SMURF2: variants seen among roughly 807,000 people sequenced by gnomAD.
The protein encoded by SMURF2 is E3 ubiquitin-protein ligase SMURF2.
In SMURF2, 48 loss-of-function variants were observed where a neutral mutation model predicts 109.6. That is an observed-to-expected ratio of 0.44 (90% CI 0.35 to 0.56). SMURF2 has a LOEUF of 0.56. Among genes scored for constraint, SMURF2 ranks in the 20% least tolerant of loss-of-function variants. The probability of loss-of-function intolerance (pLI) is 0.01; values close to 1 mark genes in which losing one functional copy is unlikely to be tolerated. For synonymous variants in SMURF2, 288 were observed against 317.1 expected (o/e 0.91, Z 0.97); for missense variants, 575 against 909.0 (o/e 0.63, Z 4.72).
chr17:64,631,298 G>GAC, intron 1 of SMURF2, among the ~76,000 whole-genome samples: 1 of 110,250 alleles, frequency 9.1e-6, no homozygotes, highest in Non-Finnish European at 1.8e-5. Flanking sequence ...GAGAGAGAGA[G>GAC]AGAGAGAGAG....
At chr17:64,549,764 T>TA (rs1241149287) in intron 16 of SMURF2, among the ~76,000 whole-genome samples, 9 of 150,758 alleles carry the variant, frequency 6.0e-5, no homozygotes, top group Non-Finnish European at 1.2e-4. Context: ...TCTCCACAAA[T>TA]AAAAAAAAGA....
At chr17:64,656,634 T>A (rs889769373) in intron 1 of SMURF2, among the ~76,000 whole-genome samples, 27 of 151,872 alleles carry the variant, frequency 1.8e-4, no homozygotes, top group African/African-American at 6.5e-4. Context: ...TCAGTAACAC[T>A]ATTTTTATGG....
At chr17:64,628,058 C>T (rs1970290905) in intron 1 of SMURF2, among the ~76,000 whole-genome samples, 1 of 152,212 alleles carries the variant, frequency 6.6e-6, no homozygotes, top group Non-Finnish European at 1.5e-5. Context: ...GCCAACAAGC[C>T]ACCAACACCT....
At chr17:64,585,066 A>C (rs1555686962) in intron 6 of SMURF2, among the ~76,000 whole-genome samples, 3 of 152,238 alleles carry the variant, frequency 2.0e-5, no homozygotes, top group African/African-American at 7.2e-5. Flanking sequence ...CTGGGTATAA[A>C]ATTTTGTATA....
chr17:64,554,531 A>G (rs1484002906), intron 15 of SMURF2, among the ~76,000 whole-genome samples: 1 of 152,162 alleles, frequency 6.6e-6, no homozygotes, highest in Non-Finnish European at 1.5e-5. Flanking sequence ...AAGGCCCCAG[A>G]CAGTGACCCC....
At chr17:64,657,262 TA>T (rs1209575678) in intron 1 of SMURF2, among the ~76,000 whole-genome samples, 1 of 152,116 alleles carries the variant, frequency 6.6e-6, no homozygotes, top group Non-Finnish European at 1.5e-5. Flanking sequence ...AGTTGAGCCT[TA>T]AAAGATGGGC....
intron 1 of SMURF2, among the ~76,000 whole-genome samples, chr17:64,631,279 G>A (rs1339949404): frequency 1.2e-3 from 9 of 7,454 alleles, no homozygotes; most frequent in African/African-American, 2.1e-3. Context: ...AGAGGGGGGG[G>A]GGGAGAGAGA....
chr17:64,597,770 CAAAA>C (rs369162603), intron 3 of SMURF2, among the ~76,000 whole-genome samples: 1 of 112,538 alleles, frequency 8.9e-6, no homozygotes, highest in African/African-American at 2.9e-5. Flanking sequence ...AAGACTGTCT[CAAAA>C]AAAAAAAAAA....
chr17:64,633,548 A>T (rs187798609), intron 1 of SMURF2, among the ~76,000 whole-genome samples: 1 of 152,226 alleles, frequency 6.6e-6, no homozygotes, highest in African/African-American at 2.4e-5. Context: ...AGTAAGAATA[A>T]CCATTAAATA....
intron 10 of SMURF2, among the ~76,000 whole-genome samples, chr17:64,569,656 C>T (rs1969371127): frequency 6.6e-6 from 1 of 152,140 alleles, no homozygotes; most frequent in African/African-American, 2.4e-5. Context: ...CATTAAACAT[C>T]ATCAGAACAG....
intron 1 of SMURF2, among the ~76,000 whole-genome samples, chr17:64,643,873 C>T (rs1313633296): frequency 6.6e-6 from 1 of 152,152 alleles, no homozygotes; most frequent in Non-Finnish European, 1.5e-5. Context: ...GTGGCCCAGG[C>T]TGGAGTGCAG....
rs1968974639 is a variant in SMURF2 at position 64,547,449 on chromosome 17, GGGA to G, written c.2071+148_2071+150del. The G allele has an allele frequency of 1.5e-6, 1 of 677,794 alleles. No homozygotes were observed. Among genetic ancestry groups the G allele is most frequent in the African/African-American group, 1.8e-5 (1 of 55,388 alleles). 42.0% of individuals were successfully genotyped at this position (677,794 alleles called of 1,614,324 possible). A position where few individuals can be genotyped will look rare whatever the true frequency, so the allele number is the denominator to read the frequency against. On this transcript the variant is annotated intron_variant, in intron 17 of 18. Coordinates refer to ENST00000262435, the MANE Select transcript of SMURF2 (RefSeq NM_022739.4). This position sits in a 1 kb window ranked among gnomAD's most constrained non-coding sequence, Gnocchi z 4.2. ...CTTGGGAAGGGAACAAAAGAAAGGAGGGAGAAGAAGGTATCACAATGTGAGAGT... is the reference window on the plus strand; with the variant it reads ...CTTGGGAAGGGAACAAAAGAAAGGAGGAAGAAGGTATCACAATGTGAGAGT...
At chr17:64,597,898 G>A (rs115131589) in intron 3 of SMURF2, among the ~76,000 whole-genome samples, 39 of 152,258 alleles carry the variant, frequency 2.6e-4, no homozygotes, top group African/African-American at 8.4e-4. Flanking sequence ...TTGCCTTGAG[G>A]ATGGGAATCA....
At chr17:64,621,956 A>C (rs950492994) in intron 1 of SMURF2, among the ~76,000 whole-genome samples, 12 of 140,276 alleles carry the variant, frequency 8.6e-5, no homozygotes, top group Non-Finnish European at 1.9e-4. Flanking sequence ...TCATCGCAAT[A>C]ATAATAATAA....
intron 1 of SMURF2, among the ~76,000 whole-genome samples, chr17:64,628,576 T>A (rs185791345): frequency 6.6e-6 from 1 of 152,228 alleles, no homozygotes; most frequent in African/African-American, 2.4e-5. Flanking sequence ...TTTGGGGAAC[T>A]TGCAATTTCA....
intron 14 of SMURF2, 46 bp from the exon 15 acceptor site, chr17:64,555,039 ACAGACCCT>A: frequency 6.4e-7 from 1 of 1,563,018 alleles, no homozygotes; most frequent in Non-Finnish European, 8.8e-7. Context: ...AACCTAAAAT[ACAGACCCT>A]ATAGATGTAT....
intron 1 of SMURF2, among the ~76,000 whole-genome samples, chr17:64,613,356 T>C (rs2144684797): frequency 6.6e-6 from 1 of 152,196 alleles, no homozygotes; most frequent in South Asian, 2.1e-4. Context: ...ATATTATAAT[T>C]TTATATTAGG....
intron 10 of SMURF2, among the ~76,000 whole-genome samples, chr17:64,566,031 T>A (rs1044959364): frequency 6.6e-6 from 1 of 152,008 alleles, no homozygotes; most frequent in Non-Finnish European, 1.5e-5. Context: ...ATAATAGATG[T>A]ACCAAATAAG....
chr17:64,573,059 T>C (rs1240771070), intron 9 of SMURF2: 1 of 147,724 alleles, frequency 6.8e-6, no homozygotes, highest in Admixed American at 6.9e-5. Flanking sequence ...ACTCTGAAAG[T>C]GACCAAGCAA....
Sources: gnomAD v4.1 joint callset for allele counts (sites outside exome capture counted in the v4.1 genomes callset) on GRCh38, gnomAD v4.1.1 for gene constraint, Gnocchi (gnomAD v3.1) non-coding constraint, MANE v1.5 for transcripts, NCBI Gene and HGNC (gene_info 2026-07-23, HGNC 2026-07-21) for gene names.